Variants in DST observed in about 807,000 individuals in gnomAD.
DST encodes the protein bullous pemphigoid antigen.
A neutral mutation model predicts 875.2 loss-of-function variants in DST; 253 were observed. The observed-to-expected ratio is 0.29, with a 90% confidence interval of 0.26 to 0.32. The LOEUF is 0.32. Among genes scored for constraint, DST ranks in the 10% least tolerant of loss-of-function variants. The pLI is 1.00. For missense variants in DST, 8,287 were observed against 9,111.6 expected (o/e 0.91, Z 3.68); for synonymous variants, 3,124 against 3,197.1 (o/e 0.98, Z 0.77).
chr6:56,616,585 A>G lies in DST; in HGVS notation c.4930-2101T>C, dbSNP rs2098625580. 1 of 1,614,136 alleles carries G rather than the reference A, an allele frequency of 6.2e-7. No individual in the cohort carries two copies. Among genetic ancestry groups the G allele is most frequent in the Non-Finnish European group, 8.5e-7 (1 of 1,180,016 alleles). On this transcript the variant is annotated intron_variant, in intron 36 of 103. Coordinates refer to ENST00000680361, the MANE Select transcript of DST (RefSeq NM_001374736.1). ...AATACAGAGCTTGCTTGTTATTGGG[A>G]TTAGGGAAAACTCTTGTGTTGCTGG...
chr6:56,676,659 G>A (rs1278236362), intron 9 of DST, among the ~76,000 whole-genome samples: 1 of 149,074 alleles, frequency 6.7e-6, no homozygotes, highest in Non-Finnish European at 1.5e-5. Flanking sequence ...TTTTAAAAAT[G>A]TGATATATAC....
intron 2 of DST, among the ~76,000 whole-genome samples, chr6:56,946,647 T>C (rs137939258): frequency 6.9e-4 from 105 of 152,302 alleles, no homozygotes; most frequent in African/African-American, 2.2e-3. Context: ...GAATTTTTCA[T>C]TGGACTGGGA....
chr6:56,469,873 G>A lies in DST; in HGVS notation c.22551+10C>T. 1.2e-6 allele frequency: 2 copies of A among 1,609,940 alleles called. No homozygotes were observed. ...TTTAAAGGAACTACAACATTACTTT[G>A]AAAACTTACCCTGTATTTATTATCA... is the stretch of plus-strand genomic sequence containing the variant. On this transcript the variant is annotated intron_variant, in intron 97 of 103. Coordinates refer to ENST00000680361, the MANE Select transcript of DST (RefSeq NM_001374736.1).
chr6:56,836,526 ACT>A (rs761152886), intron 4 of DST, among the ~76,000 whole-genome samples: 2 of 151,948 alleles, frequency 1.3e-5, no homozygotes, highest in Non-Finnish European at 2.9e-5. Context: ...AACCAAACTA[ACT>A]CTACATATTT....
intron 5 of DST, among the ~76,000 whole-genome samples, chr6:56,713,656 C>T (rs545763934): frequency 3.3e-5 from 5 of 152,248 alleles, no homozygotes; most frequent in African/African-American, 1.2e-4. Flanking sequence ...AGTGCAGACA[C>T]CTTCTGGTCA....
chr6:56,566,514 T>C (rs2097681658), intron 55 of DST, among the ~76,000 whole-genome samples: 1 of 152,154 alleles, frequency 6.6e-6, no homozygotes, highest in Admixed American at 6.5e-5. Context: ...CTGCTCGCCC[T>C]CCGTGGGCTG....
rs1442404810 is a variant in DST, at chr6:56,572,232, T to C, written c.13589A>G (p.His4530Arg). Residue 4530 changes from histidine (H) to arginine (R), a missense_variant, in exon 53 of 104, where the codon CAT (histidine) becomes CGT (arginine). His to Arg is a conservative substitution (Grantham distance 29). Coordinates refer to ENST00000680361, the MANE Select transcript of DST (RefSeq NM_001374736.1). ...CAAGAGACTATGCAAAACTTCAAGA[T>C]GTTTCTTGTGTTCTAAAAATTCAGA... is the stretch of plus-strand genomic sequence containing the variant. ...STSEFLEHKK[H>R]LEVLHSLLKE... 3.2e-6 allele frequency: 5 copies of C among 1,571,328 alleles called. No homozygotes were observed. In the Admixed American group the frequency reaches 7.2e-5, roughly 23 times the overall value.
At chr6:56,717,789 G>A (rs752375014) in intron 5 of DST, among the ~76,000 whole-genome samples, 4 of 122,216 alleles carry the variant, frequency 3.3e-5, no homozygotes, top group Non-Finnish European at 6.8e-5. Flanking sequence ...AGCACCCATT[G>A]TCTAGCCAAC....
intron 4 of DST, among the ~76,000 whole-genome samples, chr6:56,755,803 A>G (rs1369890254): frequency 6.6e-6 from 1 of 152,246 alleles, no homozygotes; most frequent in Admixed American, 6.5e-5. Flanking sequence ...AAAGACAGGA[A>G]TAACCATTTC....
chr6:56,471,959 A>C, intron 94 of DST, 100 bp downstream of exon 94: 1 of 1,209,734 alleles, frequency 8.3e-7, no homozygotes, highest in Non-Finnish European at 1.2e-6. Context: ...TTTGCTTATT[A>C]TCAGAAAAGT....
At chr6:56,678,702 A>G (rs2099142389) in intron 9 of DST, among the ~76,000 whole-genome samples, 1 of 152,196 alleles carries the variant, frequency 6.6e-6, no homozygotes, top group Non-Finnish European at 1.5e-5. Context: ...AGCAGGACAC[A>G]GATTTACAAA....
In DST at chr6:56,528,723, A is replaced by G. The variant is rs144639574; in HGVS notation, c.17680+118T>C. On this transcript the variant is annotated intron_variant, in intron 67 of 103. Transcript: ENST00000680361. ...GGTCTTCAAAGCATTCTCCAGAATA[A>G]AAGTCTTGGAATGGACCAAAAATTA... 644 of 706,998 alleles carry G rather than the reference A, an allele frequency of 9.1e-4. 2 individuals are homozygous for G. Among genetic ancestry groups the G allele is most frequent in the Non-Finnish European group, 1.4e-3 (570 of 410,802 alleles). The allele number at this position is 706,998 out of a possible 1,614,324, so 43.8% of individuals were successfully genotyped here.
At chr6:56,733,514 T>A (rs1265519844) in intron 5 of DST, among the ~76,000 whole-genome samples, 1 of 152,168 alleles carries the variant, frequency 6.6e-6, no homozygotes, top group Non-Finnish European at 1.5e-5. Context: ...GACTATCTCA[T>A]TTAAATCCTC....
intron 87 of DST, 69 bp downstream of exon 87, chr6:56,487,035 C>G: frequency 6.7e-7 from 1 of 1,491,834 alleles, no homozygotes; most frequent in South Asian, 1.3e-5. Context: ...AATGTCCCCG[C>G]AAAGCACCAT....
At position 56,560,291 on chromosome 6, in the gene DST, T is replaced by C. The variant is rs756865166; in HGVS notation, c.14440+3A>G. ...AGGCATTCATCTAAGTAACGCAACA[T>C]ACCTATTTCTGTCAACATCTGTTTC... On this transcript the variant is annotated splice_donor_region_variant and intron_variant, in intron 58 of 103. Transcript: ENST00000680361. 7 of 1,602,546 alleles carry C rather than the reference T, an allele frequency of 4.4e-6. No homozygotes were observed. The highest frequency in any genetic ancestry group is 4.0e-5 in the African/African-American group (3 of 74,606).
At chr6:56,672,342 A>ACT (rs1270133236) in intron 9 of DST, among the ~76,000 whole-genome samples, 3 of 152,108 alleles carry the variant, frequency 2.0e-5, no homozygotes, top group African/African-American at 7.2e-5. Flanking sequence ...AGTCTGAGAC[A>ACT]CTCTGCTTGA....
Position 56,609,053 on chromosome 6 carries a change from G to C in DST, c.5575C>G (p.Leu1859Val), listed in dbSNP as rs760187801. 5 of 1,613,852 alleles carry C rather than the reference G, an allele frequency of 3.1e-6. No homozygotes were observed. The East Asian group carries it at 1.1e-4, about 36-fold the overall frequency. ...GATTCTGTTATCATGCTTTGAGCTA[G>C]AGCATCCAGTACTGGAATTGTGGTA... ...SPTTIPVLDA[L>V]AQSMITESMA... is the part of the protein sequence containing the mutation. Residue 1859 changes from leucine (L) to valine (V), a missense_variant, in exon 40 of 104, where the codon CTA becomes GTA. Physicochemically the swap from Leu to Val is conservative, Grantham distance 32. Coordinates refer to ENST00000680361, the MANE Select transcript of DST (RefSeq NM_001374736.1).
At chr6:56,789,447 T>C (rs1012809766) in intron 4 of DST, among the ~76,000 whole-genome samples, 1 of 152,206 alleles carries the variant, frequency 6.6e-6, no homozygotes, top group Non-Finnish European at 1.5e-5. Flanking sequence ...TTAATTGCAG[T>C]AAAGTAACTA....
intron 4 of DST, among the ~76,000 whole-genome samples, chr6:56,766,591 C>T (rs778841412): frequency 1.3e-5 from 2 of 150,400 alleles, no homozygotes; most frequent in East Asian, 3.9e-4. Flanking sequence ...TATGCAGTGG[C>T]GTGATTTCGA....
Sources: allele counts gnomAD v4.1 joint callset (sites outside exome capture counted in the v4.1 genomes callset), GRCh38; gene constraint gnomAD v4.1.1; transcripts MANE v1.5; gene names NCBI Gene and HGNC (gene_info 2026-07-23, HGNC 2026-07-21).